DISP3: variants seen among roughly 807,000 people sequenced by gnomAD.
The protein encoded by DISP3 is protein dispatched homolog 3.
A neutral mutation model predicts 135.3 loss-of-function variants in DISP3; 101 were observed. The observed-to-expected ratio is 0.75, with a 90% CI of 0.64 to 0.88. The LOEUF (loss-of-function observed/expected upper bound fraction) is 0.88, where lower values mean the gene tolerates loss of function less well. Among genes scored for constraint, DISP3 ranks in the 40% least tolerant of loss-of-function variants. The pLI, the probability that DISP3 is intolerant of heterozygous loss-of-function variation, is 0.00. For missense variants in DISP3, 1,713 were observed against 1,878.6 expected (o/e 0.91, Z 1.63); for synonymous variants, 856 against 817.0 (o/e 1.05, Z -0.81).
intron 1 of DISP3, among the ~76,000 whole-genome samples, chr1:11,498,965 C>G (rs1641421168): frequency 6.6e-6 from 1 of 152,186 alleles, no homozygotes; most frequent in Non-Finnish European, 1.5e-5. Context: ...TCCCTCCCTT[C>G]CCCGCAGTAA....
chr1:11,513,062 A>T (rs1641903189), intron 3 of DISP3, among the ~76,000 whole-genome samples: 1 of 152,088 alleles, frequency 6.6e-6, no homozygotes, highest in South Asian at 2.1e-4. Context: ...ATTCTGGGAG[A>T]TACAAGTCAA....
chr1:11,534,487 G>A lies in DISP3; in HGVS notation c.3482G>A (p.Arg1161His), dbSNP rs776607837. 3.0e-5 allele frequency: 48 copies of A among 1,613,888 alleles called. 1 individual carries two copies. Among genetic ancestry groups the A allele is most frequent in the Middle Eastern group, 1.6e-4 (1 of 6,084 alleles). The change falls in exon 18 of 21, where the codon CGC becomes CAC. Residue 1161 changes from arginine (R) to histidine (H), a missense_variant. By Grantham distance (29) the Arg-to-His change is conservative. This residue lies in a region of DISP3 where 1,142 missense variants were observed against 1,384.6 expected (regional missense o/e 0.82). Transcript: ENST00000294484. The part of the protein sequence containing the change: ...LQALPEGSVL[R>H]RGFQTCEHWK... ...GCCTTGCCCGAGGGCTCAGTCCTGC[G>A]CCGGGGCTTCCAGACCTGCGAGCAC...
chr1:11,536,197 C>G lies in DISP3; in HGVS notation c.3817-127C>G. The stretch of plus-strand genomic sequence containing the variant: ...TCCTACCCTCCCAACCCTGGGAGGC[C>G]ACTTGCAGCTCTCATCCCAGTAACA... On this transcript the variant is annotated intron_variant, in intron 20 of 20. Coordinates refer to ENST00000294484, the MANE Select transcript of DISP3 (RefSeq NM_020780.2). This position sits in a 1 kb window ranked among gnomAD's most constrained non-coding sequence, Gnocchi z 4.3. The G allele has an allele frequency of 1.5e-6, 2 of 1,371,890 alleles. No homozygotes were observed. The highest frequency in any genetic ancestry group is 1.9e-6 in the Non-Finnish European group (2 of 1,038,860). The allele number at this position is 1,371,890 out of a possible 1,614,324, so 85.0% of individuals were successfully genotyped here.
intron 10 of DISP3, among the ~76,000 whole-genome samples, chr1:11,522,683 A>G (rs369868765): frequency 0.072 from 1,399 of 19,536 alleles, 24 homozygotes; most frequent in East Asian, 0.18. Context: ...ACCCAGCCAG[A>G]GCCCAGCCAG....
At chr1:11,512,437 T>C (rs1641882404) in intron 3 of DISP3, among the ~76,000 whole-genome samples, 1 of 152,206 alleles carries the variant, frequency 6.6e-6, no homozygotes. Flanking sequence ...TCCACAGATC[T>C]CTAGGGCAGT....
Position 11,536,694 on chromosome 1 carries a change from C to G in DISP3, c.*8C>G. On this transcript the variant is annotated 3_prime_UTR_variant, in exon 21 of 21. Transcript: ENST00000294484. This position sits in a 1 kb window ranked among gnomAD's most constrained non-coding sequence, Gnocchi z 4.3. ...GCAGGGGCCTCCCTATAGCCCGGGA[C>G]GGGCTCTGGACACTTGCACCTTTGG... The G allele has an allele frequency of 6.5e-7, 1 of 1,543,448 alleles. No individual in the cohort carries two copies. The highest frequency in any genetic ancestry group is 8.7e-7 in the Non-Finnish European group (1 of 1,146,178).
In DISP3 at chr1:11,530,996, G is replaced by A; in HGVS notation, c.3192G>A (p.Glu1064=). 1 of 1,613,986 alleles carries A rather than the reference G, an allele frequency of 6.2e-7. No homozygotes were observed. Among genetic ancestry groups the A allele is most frequent in the Non-Finnish European group, 8.5e-7 (1 of 1,179,988 alleles). The part of the protein sequence containing the change: ...HLCKAIAANS[E]LVKPGGAQCL... ...GCAAGGCCATCGCAGCCAACTCCGA[G>A]CTGGTGAAGCCGGGTGGGGCCCAGT... Residue 1064 remains glutamate, a synonymous_variant, in exon 16 of 21, where the codon GAG becomes GAA. Coordinates refer to ENST00000294484, the MANE Select transcript of DISP3 (RefSeq NM_020780.2).
At chr1:11,492,384 CT>C (rs1006774685) in intron 1 of DISP3, among the ~76,000 whole-genome samples, 1 of 152,146 alleles carries the variant, frequency 6.6e-6, no homozygotes, top group Non-Finnish European at 1.5e-5. Flanking sequence ...GCTTGTTTGC[CT>C]GATAAATATT....
chr1:11,515,494 G>A lies in DISP3; in HGVS notation c.1579G>A (p.Val527Met), dbSNP rs768871813. ...GAATGGGGTGGCCGCCTTCGTGATC[G>A]TGGGCATTGGTGAGTCGCCTCTGTT... Reference protein sequence around the residue: ...ILNGVAAFVIVGIGVDDVFVF... With the variant: ...ILNGVAAFVIMGIGVDDVFVF... Residue 527 changes from valine (V) to methionine (M), a missense_variant, in exon 5 of 21, where the codon GTG becomes ATG. Val to Met is a conservative substitution (Grantham distance 21, BLOSUM62 1). Around this residue, in one of 2 missense-constraint regions of DISP3, gnomAD observed 1,142 missense variants for 1,384.6 expected, o/e 0.82. Transcript: ENST00000294484. 1.9e-5 allele frequency: 30 copies of A among 1,604,316 alleles called. No individual in the cohort carries two copies. The highest frequency in any genetic ancestry group is 5.1e-5 in the Admixed American group (3 of 59,148).
chr1:11,517,440 C>T, intron 6 of DISP3, 23 bp from the exon 7 acceptor site: 1 of 1,612,802 alleles, frequency 6.2e-7, no homozygotes, highest in Non-Finnish European at 8.5e-7. Flanking sequence ...GTCCCACATC[C>T]CTCTCTTCCT....
At chr1:11,497,590 G>C (rs1285733762) in intron 1 of DISP3, among the ~76,000 whole-genome samples, 1 of 152,128 alleles carries the variant, frequency 6.6e-6, no homozygotes, top group Non-Finnish European at 1.5e-5. Flanking sequence ...GGGTTTCACT[G>C]TGTCAGCCAG....
chr1:11,535,345 C>T, intron 19 of DISP3, 133 bp from the exon 20 acceptor site: 1 of 1,291,842 alleles, frequency 7.7e-7, no homozygotes, highest in Non-Finnish European at 1.1e-6. Flanking sequence ...CCTGTCCCCT[C>T]CCTCAGGGGT....
intron 17 of DISP3, among the ~76,000 whole-genome samples, chr1:11,532,948 C>T (rs1257574126): frequency 6.6e-6 from 1 of 152,078 alleles, no homozygotes; most frequent in Non-Finnish European, 1.5e-5. Context: ...TCAGGTGATC[C>T]ACCCACCTCG....
At chr1:11,505,067 A>G (rs1168424088) in intron 3 of DISP3, among the ~76,000 whole-genome samples, 1 of 152,190 alleles carries the variant, frequency 6.6e-6, no homozygotes, top group African/African-American at 2.4e-5. Flanking sequence ...TCTGTCTTTT[A>G]ATTGTAACTC....
chr1:11,479,195 G>T lies in DISP3; in HGVS notation c.-181G>T. The T allele has an allele frequency of 1.3e-5, 2 of 159,232 alleles. No individual in the cohort carries two copies. 9.9% of individuals were successfully genotyped at this position (159,232 alleles called of 1,614,324 possible). A position where few individuals can be genotyped will look rare whatever the true frequency, so the allele number is the denominator to read the frequency against. On this transcript the variant is annotated 5_prime_UTR_variant, in exon 1 of 21. Coordinates refer to ENST00000294484, the MANE Select transcript of DISP3 (RefSeq NM_020780.2). ...GACTGGGATTCGCGCGCAGCTTCCC[G>T]CGGTCTGCTTGCCCTGGAGCGGAGG...
At position 11,526,192 on chromosome 1, in the gene DISP3, C is replaced by A. The variant is rs1040217072; in HGVS notation, c.2614-459C>A. On this transcript the variant is annotated intron_variant, in intron 12 of 20. Coordinates refer to ENST00000294484, the MANE Select transcript of DISP3 (RefSeq NM_020780.2). Reference sequence around the variant, plus strand: ...CCCACTGCCTGAAAAGCTTTTCCTTCAGCTTCGTGCGTGGCTGACTCCTAG... The same window carrying A: ...CCCACTGCCTGAAAAGCTTTTCCTTAAGCTTCGTGCGTGGCTGACTCCTAG... Among the ~76,000 whole-genome samples the A allele has an allele frequency of 1.1e-4, 16 of 152,230 alleles. 1 individual carries two copies. The highest frequency in any genetic ancestry group is 6.5e-4 in the Admixed American group (10 of 15,284).
chr1:11,484,050 C>T (rs971345730), intron 1 of DISP3, among the ~76,000 whole-genome samples: 1 of 152,330 alleles, frequency 6.6e-6, no homozygotes, highest in Non-Finnish European at 1.5e-5. Context: ...GCCAGTAAAC[C>T]TAACAACTTC....
At chr1:11,522,783 GCCCAGCCAGAGCCCAGCCAGGA>G (rs1642267550) in intron 10 of DISP3, among the ~76,000 whole-genome samples, 7 of 16,570 alleles carry the variant, frequency 4.2e-4, no homozygotes, top group African/African-American at 9.4e-4. Context: ...CCCAGCCAGG[GCCCAGCCAGAGCCCAGCCAGGA>G]CCCAGCCAGG....
chr1:11,523,854 T>C (rs960671469), intron 10 of DISP3, 88 bp from the exon 11 acceptor site: 10 of 1,079,272 alleles, frequency 9.3e-6, no homozygotes, highest in Non-Finnish European at 1.4e-5. Flanking sequence ...TGAGACTGTC[T>C]CAGATCCCAG....
Sources: allele counts gnomAD v4.1 joint callset (sites outside exome capture counted in the v4.1 genomes callset), GRCh38; gene constraint gnomAD v4.1.1; regional missense constraint gnomAD v4.1.1; non-coding constraint Gnocchi (gnomAD v3.1); transcripts MANE v1.5; gene names NCBI Gene and HGNC (gene_info 2026-07-23, HGNC 2026-07-21).